Variants in PTPRM observed in about 807,000 individuals in gnomAD.
PTPRM encodes the protein protein tyrosine phosphatase receptor type M, also known as receptor-type tyrosine-protein phosphatase mu.
Under a neutral mutation model 186.7 loss-of-function variants are expected in PTPRM, and 47 were observed. That is an observed-to-expected ratio of 0.25 (90% confidence interval 0.20 to 0.32). The LOEUF is 0.32. PTPRM is among the 10% of genes least tolerant of loss of function. PTPRM has a pLI of 1.00. For missense variants in PTPRM, 1,494 were observed against 1,865.0 expected, an observed-to-expected ratio of 0.80 and a Z score of 3.66; for synonymous variants, 668 against 674.9, an observed-to-expected ratio of 0.99 and a Z score of 0.16.
At chr18:7,869,115 G>T (rs2047856882) in intron 2 of PTPRM, among the ~76,000 whole-genome samples, 1 of 152,210 alleles carries the variant, frequency 6.6e-6, no homozygotes, top group African/African-American at 2.4e-5. Context: ...GAAGCCAGTG[G>T]ATCTTAGCTT....
chr18:8,143,437 G>GTA (rs1202547586), intron 13 of PTPRM, among the ~76,000 whole-genome samples: 1 of 152,188 alleles, frequency 6.6e-6, no homozygotes, highest in Non-Finnish European at 1.5e-5. Flanking sequence ...TATCCAGCTT[G>GTA]TATATGGTTT....
In PTPRM at chr18:8,350,220, A is replaced by G. The variant is rs139014752; in HGVS notation, c.3054+6700A>G. 2.2e-3 allele frequency among the ~76,000 whole-genome samples: 338 copies of G among 152,274 alleles called. 1 individual carries two copies. The highest frequency in any genetic ancestry group is 7.7e-3 in the African/African-American group (319 of 41,540). The stretch of plus-strand genomic sequence containing the variant: ...GGCAGCTCATAGAGGCTGCATACAG[A>G]CTGTCTTTGTGTCCCATAGCTGACC... On this transcript the variant is annotated intron_variant, in intron 23 of 32. Coordinates refer to ENST00000580170, the MANE Select transcript of PTPRM (RefSeq NM_001105244.2).
intron 7 of PTPRM, among the ~76,000 whole-genome samples, chr18:8,067,139 G>A (rs1600370602): frequency 6.6e-6 from 1 of 152,180 alleles, no homozygotes; most frequent in East Asian, 1.9e-4. Flanking sequence ...TTATTAGTCA[G>A]TAAAATTGAT....
At chr18:8,235,572 T>C (rs2094336951) in intron 14 of PTPRM, among the ~76,000 whole-genome samples, 1 of 151,594 alleles carries the variant, frequency 6.6e-6, no homozygotes, top group Admixed American at 6.6e-5. Context: ...TTCTGTTTCA[T>C]TGATTTCTGC....
At chr18:7,868,409 A>G (rs750361702) in intron 2 of PTPRM, among the ~76,000 whole-genome samples, 86 of 152,024 alleles carry the variant, frequency 5.7e-4, no homozygotes, top group Non-Finnish European at 9.1e-4. Context: ...TGATGTTTAT[A>G]CTATTCCTTT....
chr18:7,929,946 A>G (rs73379995), intron 5 of PTPRM, among the ~76,000 whole-genome samples: 2,298 of 152,310 alleles, frequency 0.015, 68 homozygotes, highest in African/African-American at 0.053. Flanking sequence ...CAGGCAGAAA[A>G]TTGAAGAAAA....
chr18:7,713,116 G>A (rs1388284379), intron 1 of PTPRM, among the ~76,000 whole-genome samples: 1 of 152,198 alleles, frequency 6.6e-6, no homozygotes, highest in Non-Finnish European at 1.5e-5. Context: ...AGGGAAGCCA[G>A]AGAGAAAGGT....
chr18:8,096,640 A>G (rs2091031087), intron 11 of PTPRM, among the ~76,000 whole-genome samples: 1 of 152,212 alleles, frequency 6.6e-6, no homozygotes, highest in Admixed American at 6.5e-5. Flanking sequence ...ACTGAACAAT[A>G]TATTACTTTA....
At chr18:8,319,290 T>A in intron 22 of PTPRM, 76 bp downstream of exon 22, 1 of 1,084,692 alleles carries the variant, frequency 9.2e-7, no homozygotes, top group Non-Finnish European at 1.4e-6. Flanking sequence ...CACTTCACCC[T>A]CCTTCAGGAA....
At chr18:8,404,057 T>C (rs970607241) in intron 32 of PTPRM, 1 of 152,234 alleles carries the variant, frequency 6.6e-6, no homozygotes, top group African/African-American at 2.4e-5. Flanking sequence ...TCAGTTTCCT[T>C]AGGTGTACAC....
chr18:8,100,890 C>T (rs1600569752), intron 11 of PTPRM, among the ~76,000 whole-genome samples: 1 of 152,296 alleles, frequency 6.6e-6, no homozygotes, highest in East Asian at 1.9e-4. Flanking sequence ...TCATTACTGC[C>T]TTTTATCTTC....
intron 7 of PTPRM, among the ~76,000 whole-genome samples, chr18:8,006,873 G>A (rs754475573): frequency 4.6e-5 from 7 of 152,144 alleles, no homozygotes; most frequent in Non-Finnish European, 8.8e-5. Context: ...GAATCCATTC[G>A]AGATTCTCTG....
intron 7 of PTPRM, among the ~76,000 whole-genome samples, chr18:8,005,210 C>T (rs2084107704): frequency 6.6e-6 from 1 of 152,058 alleles, no homozygotes. Context: ...TAAGGAATGC[C>T]CTTTGATATT....
At chr18:7,616,187 C>T (rs1302842778) in intron 1 of PTPRM, among the ~76,000 whole-genome samples, 1 of 152,160 alleles carries the variant, frequency 6.6e-6, no homozygotes, top group African/African-American at 2.4e-5. Context: ...GACAGGGTCT[C>T]ACTCTGTTGC....
intron 7 of PTPRM, among the ~76,000 whole-genome samples, chr18:8,033,981 C>T (rs915404080): frequency 6.6e-6 from 1 of 152,124 alleles, no homozygotes; most frequent in African/African-American, 2.4e-5. Flanking sequence ...TTGGTTTCAT[C>T]ACTCCAGTCT....
At chr18:8,239,250 G>GT (rs975282733) in intron 14 of PTPRM, among the ~76,000 whole-genome samples, 8 of 148,086 alleles carry the variant, frequency 5.4e-5, no homozygotes, top group African/African-American at 1.0e-4. Flanking sequence ...GCGGTGTTTG[G>GT]TTTTTTGTTC....
intron 19 of PTPRM, among the ~76,000 whole-genome samples, chr18:8,290,919 G>T (rs917366991): frequency 6.6e-6 from 1 of 152,082 alleles, no homozygotes; most frequent in Non-Finnish European, 1.5e-5. Context: ...TTCATAGTTG[G>T]TGTGTTAAAT....
At chr18:7,996,547 A>C (rs2083548705) in intron 7 of PTPRM, among the ~76,000 whole-genome samples, 1 of 152,152 alleles carries the variant, frequency 6.6e-6, no homozygotes, top group Admixed American at 6.6e-5. Flanking sequence ...CAGAGAAATC[A>C]AGCTAGAGAA....
intron 20 of PTPRM, among the ~76,000 whole-genome samples, chr18:8,313,305 C>A (rs758908469): frequency 6.6e-6 from 1 of 152,190 alleles, no homozygotes; most frequent in Admixed American, 6.5e-5. Flanking sequence ...CCTTTCAGGG[C>A]AGCTGGCTTT....
Sources: allele counts gnomAD v4.1 joint callset (sites outside exome capture counted in the v4.1 genomes callset), GRCh38; gene constraint gnomAD v4.1.1; transcripts MANE v1.5; gene names NCBI Gene and HGNC (gene_info 2026-07-23, HGNC 2026-07-21).